SH3GL3: variants seen among roughly 807,000 people sequenced by gnomAD.
SH3GL3 encodes the protein SH3 domain containing GRB2 like 3, endophilin A3.
A neutral mutation model predicts 47.7 loss-of-function variants in SH3GL3; 33 were observed. The ratio of observed to expected loss-of-function variants is 0.69; its 90% CI spans 0.52 to 0.92. The LOEUF is 0.92. Ranked by LOEUF, SH3GL3 falls within the 40% of genes least tolerant of loss-of-function variation. The pLI, the probability that SH3GL3 is intolerant of heterozygous loss-of-function variation, is 0.00. For missense variants in SH3GL3, 363 were observed against 417.8 expected, an observed-to-expected ratio of 0.87 and a Z score of 1.14; for synonymous variants, 155 against 148.8, an observed-to-expected ratio of 1.04 and a Z score of -0.30.
chr15:83,541,296 A>T, intron 1 of SH3GL3, among the ~76,000 whole-genome samples: 2 of 126,922 alleles, frequency 1.6e-5, no homozygotes, highest in African/African-American at 5.8e-5. Flanking sequence ...GGATGGCTGG[A>T]TCATATGGTA....
intron 1 of SH3GL3, among the ~76,000 whole-genome samples, chr15:83,521,164 A>G (rs1412558867): frequency 1.3e-5 from 2 of 152,102 alleles, no homozygotes; most frequent in African/African-American, 2.4e-5. Context: ...TCTATCTGCA[A>G]TGGAAAGTGA....
chr15:83,620,501 A>G (rs559754646), downstream of SH3GL3, among the ~76,000 whole-genome samples: 2 of 152,362 alleles, frequency 1.3e-5, no homozygotes, highest in South Asian at 4.1e-4. Flanking sequence ...ATCTCCTTGC[A>G]TATCTCTATC....
At chr15:83,467,670 A>T (rs767667807) in intron 1 of SH3GL3, among the ~76,000 whole-genome samples, 48 of 152,276 alleles carry the variant, frequency 3.2e-4, no homozygotes, top group Middle Eastern at 3.4e-3. Flanking sequence ...TAATCAATGG[A>T]TATGGTGTAT....
At chr15:83,592,128 T>C (rs1315004760) in intron 8 of SH3GL3, among the ~76,000 whole-genome samples, 1 of 152,212 alleles carries the variant, frequency 6.6e-6, no homozygotes, top group African/African-American at 2.4e-5. Flanking sequence ...TCATGGTGCT[T>C]GTTTTTTACT....
At chr15:83,461,082 C>CAA (rs544038100) in intron 1 of SH3GL3, among the ~76,000 whole-genome samples, 6 of 123,552 alleles carry the variant, frequency 4.9e-5, no homozygotes, top group African/African-American at 9.0e-5. Context: ...GACTCCATCT[C>CAA]AAAAAAAAAA....
intron 1 of SH3GL3, among the ~76,000 whole-genome samples, chr15:83,538,594 G>C (rs902840012): frequency 6.6e-6 from 1 of 152,138 alleles, no homozygotes; most frequent in South Asian, 2.1e-4. Context: ...GAATAATGCA[G>C]TATGTTCTCT....
At chr15:83,532,194 A>G (rs1413151123) in intron 1 of SH3GL3, among the ~76,000 whole-genome samples, 2 of 152,206 alleles carry the variant, frequency 1.3e-5, no homozygotes, top group Non-Finnish European at 2.9e-5. Context: ...TGTTTGAGGT[A>G]TCTTTGGAAT....
At chr15:83,532,071 C>T (rs2043701271) in intron 1 of SH3GL3, among the ~76,000 whole-genome samples, 1 of 152,118 alleles carries the variant, frequency 6.6e-6, no homozygotes, top group African/African-American at 2.4e-5. Context: ...TTACATTTTT[C>T]TTAGGTCTAG....
At chr15:83,507,182 ATT>A (rs1387957439) in intron 1 of SH3GL3, among the ~76,000 whole-genome samples, 2 of 150,518 alleles carry the variant, frequency 1.3e-5, no homozygotes, top group Admixed American at 6.6e-5. Flanking sequence ...ATTTTTTTGT[ATT>A]TTTTTAGTAG....
intron 1 of SH3GL3, among the ~76,000 whole-genome samples, chr15:83,512,509 C>T (rs548114263): frequency 1.3e-5 from 2 of 152,272 alleles, no homozygotes; most frequent in South Asian, 4.1e-4. Context: ...TTCTTTGCTC[C>T]TGGTGTCAGA....
intron 2 of SH3GL3, among the ~76,000 whole-genome samples, chr15:83,564,009 CTA>C (rs1336061165): frequency 1.3e-5 from 2 of 152,118 alleles, no homozygotes; most frequent in African/African-American, 4.8e-5. Context: ...TTCACATACT[CTA>C]TGTCTTTTCA....
Position 83,618,082 on chromosome 15 carries a change from G to A in SH3GL3, c.839G>A (p.Gly280Asp), listed in dbSNP as rs1431662727. The change falls in exon 9 of 9, where the codon GGT (glycine) becomes GAT (aspartate). Residue 280 changes from glycine (G) to aspartate (D), a missense_variant and splice_region_variant. Gly to Asp is a moderately conservative substitution (Grantham distance 94, BLOSUM62 -1). Coordinates refer to ENST00000427482, the MANE Select transcript of SH3GL3 (RefSeq NM_003027.5). ...TTTTGTCTCCATATCATGTGGACAG[G>A]TTCTAACATTCCCATGGACCAGCCC... ...VSTTSVVKTTGSNIPMDQPCC... is the reference protein window; with the variant it reads ...VSTTSVVKTTDSNIPMDQPCC... 6.2e-7 allele frequency: 1 copy of A among 1,605,850 alleles called. No homozygotes were observed. Among genetic ancestry groups the A allele is most frequent in the Non-Finnish European group, 8.5e-7 (1 of 1,172,440 alleles).
intron 6 of SH3GL3, among the ~76,000 whole-genome samples, chr15:83,579,375 T>C (rs971703381): frequency 4.6e-5 from 7 of 152,162 alleles, no homozygotes; most frequent in Non-Finnish European, 1.0e-4. Flanking sequence ...TCAGCCTGGA[T>C]CCTGGGGTCT....
At chr15:83,626,098 C>CT in the SH3GL3 span, among the ~76,000 whole-genome samples, 1 of 152,224 alleles carries the variant, frequency 6.6e-6, no homozygotes, top group Non-Finnish European at 1.5e-5. Flanking sequence ...TCCCAAAGTG[C>CT]TGAGATTACA....
intron 1 of SH3GL3, among the ~76,000 whole-genome samples, chr15:83,558,036 A>G (rs1434867628): frequency 6.6e-6 from 1 of 152,226 alleles, no homozygotes; most frequent in Non-Finnish European, 1.5e-5. Context: ...TAGTAACTAC[A>G]CTTGTATTTA....
chr15:83,471,542 A>G (rs561003252), intron 1 of SH3GL3, among the ~76,000 whole-genome samples: 1 of 152,360 alleles, frequency 6.6e-6, no homozygotes, highest in East Asian at 1.9e-4. Flanking sequence ...CCAGGCTTTA[A>G]TAAAGCAGAT....
intron 1 of SH3GL3, among the ~76,000 whole-genome samples, chr15:83,547,706 C>A (rs962969654): frequency 6.6e-6 from 1 of 151,242 alleles, no homozygotes; most frequent in African/African-American, 2.4e-5. Flanking sequence ...TATCTTTTTG[C>A]ACCTGTTTAT....
chr15:83,449,458 T>C (rs1271312645), intron 1 of SH3GL3, among the ~76,000 whole-genome samples: 1 of 152,180 alleles, frequency 6.6e-6, no homozygotes, highest in African/African-American at 2.4e-5. Flanking sequence ...TGGCAGGAAA[T>C]GAACCTCCTC....
intron 1 of SH3GL3, among the ~76,000 whole-genome samples, chr15:83,472,854 G>A (rs566372680): frequency 2.5e-4 from 38 of 152,268 alleles, no homozygotes; most frequent in Non-Finnish European, 5.1e-4. Context: ...ACATTGCTCT[G>A]GTAGGGGACA....
Sources: gnomAD v4.1 joint callset for allele counts (sites outside exome capture counted in the v4.1 genomes callset) on GRCh38, gnomAD v4.1.1 for gene constraint, MANE v1.5 for transcripts, NCBI Gene and HGNC (gene_info 2026-07-23, HGNC 2026-07-21) for gene names.